The following SDHD variants were observed in gnomAD, a reference collection of about 807,000 sequenced individuals.
SDHD encodes the protein succinate dehydrogenase [ubiquinone] cytochrome b small subunit, mitochondrial.
In SDHD, 6 loss-of-function variants were observed where a neutral mutation model predicts 18.7. The observed-to-expected ratio is 0.32, with a 90% confidence interval of 0.18 to 0.63. The LOEUF is 0.63. SDHD is among the 30% of genes least tolerant of loss of function. The pLI, the probability that SDHD is intolerant of heterozygous loss-of-function variation, is 0.79. For missense variants in SDHD, 160 were observed against 192.7 expected (o/e 0.83, Z 1.00); for synonymous variants, 56 against 73.9 (o/e 0.76, Z 1.24).
chr11:112,094,135 C>T lies in SDHD; in HGVS notation c.315-670C>T, dbSNP rs1228294696. On this transcript the variant is annotated intron_variant, in intron 3 of 3. Transcript: ENST00000375549. ...AAAAAACAGGCCAGGCGCAGTAGCT[C>T]ACGCCTGTAGTCCCAACACTTTGGG... Among the ~76,000 whole-genome samples the T allele has an allele frequency of 3.3e-5, 5 of 152,140 alleles. No individual in the cohort carries two copies. The South Asian group carries it at 8.3e-4, about 25-fold the overall frequency.
At chr11:112,088,741 C>T in intron 2 of SDHD, 126 bp from the exon 3 acceptor site, 1 of 1,043,564 alleles carries the variant, frequency 9.6e-7, no homozygotes, top group South Asian at 1.3e-5. Flanking sequence ...ATTTTACTTC[C>T]TTTGTACTCA....
chr11:112,094,940 C>T lies in SDHD; in HGVS notation c.450C>T (p.Cys150=), dbSNP rs201337439. The change falls in exon 4 of 4, where the codon TGC becomes TGT. Residue 150 remains cysteine (C), a synonymous_variant. Transcript: ENST00000375549. ...CYFNYHDVGI[C]KAVAMLWKL ...TCAACTATCACGATGTGGGCATCTG[C>T]AAAGCTGTTGCCATGCTGTGGAAGC... is the stretch of plus-strand genomic sequence containing the variant. 3 of 1,611,460 alleles carry T rather than the reference C, an allele frequency of 1.9e-6. No individual in the cohort carries two copies. The East Asian group carries it at 6.7e-5, about 36-fold the overall frequency.
In SDHD at chr11:112,094,890, T is replaced by G. The variant is rs200851392; in HGVS notation, c.400T>G (p.Leu134Val). ...AKAGLLALSA[L>V]TFAGLCYFNY... ...GGCAGGGCTTTTGGCACTTTCAGCT[T>G]TAACCTTTGCTGGGCTTTGCTATTT... is the stretch of plus-strand genomic sequence containing the variant. Residue 134 changes from leucine (L) to valine (V), a missense_variant, in exon 4 of 4, where the codon TTA becomes GTA. By Grantham distance (32) the Leu-to-Val change is conservative. Transcript: ENST00000375549. 10 of 1,611,890 alleles carry G rather than the reference T, an allele frequency of 6.2e-6. No homozygotes were observed. Among genetic ancestry groups the G allele is most frequent in the Middle Eastern group, 2.3e-4 (1 of 4,430 alleles).
intron 3 of SDHD, chr11:112,091,051 T>C (rs1426973534): frequency 1.1e-6 from 1 of 941,142 alleles, no homozygotes; most frequent in Non-Finnish European, 1.3e-6. Context: ...TGAGTTGTTG[T>C]TGTTGATGTT....
chr11:112,087,684 T>C (rs1226238681), intron 1 of SDHD, among the ~76,000 whole-genome samples, 173 bp from the exon 2 acceptor site: 1 of 152,208 alleles, frequency 6.6e-6, no homozygotes, highest in Non-Finnish European at 1.5e-5. Flanking sequence ...CATGCAGATG[T>C]TCCCTGGTCT....
intron 3 of SDHD, 38 bp from the exon 4 acceptor site, chr11:112,094,767 G>A: frequency 6.3e-7 from 1 of 1,588,838 alleles, no homozygotes; most frequent in Non-Finnish European, 8.6e-7. Flanking sequence ...TTTCACTGTG[G>A]TTTTTTATTG....
At position 112,089,026 on chromosome 11, in the gene SDHD, T is replaced by A; in HGVS notation, c.314+15T>A. 6.2e-7 allele frequency: 1 copy of A among 1,614,044 alleles called. No individual in the cohort carries two copies. Among genetic ancestry groups the A allele is most frequent in the Admixed American group, 1.7e-5 (1 of 60,034 alleles). ...CATGGTCACTGGCAAGTATAGCAATTCCAAATATAGTTGTCTGCTCAGTTT... is the reference window on the plus strand; with the variant it reads ...CATGGTCACTGGCAAGTATAGCAATACCAAATATAGTTGTCTGCTCAGTTT... On this transcript the variant is annotated intron_variant, in intron 3 of 3. Transcript: ENST00000375549.
At chr11:112,093,051 T>TTTTTTATA in intron 3 of SDHD, 1 of 174,932 alleles carries the variant, frequency 5.7e-6, no homozygotes, top group South Asian at 7.9e-5. Context: ...TTTTTTTTTT[T>TTTTTTATA]GAGACAGAGT....
intron 3 of SDHD, among the ~76,000 whole-genome samples, chr11:112,093,688 A>G (rs920293984): frequency 6.6e-6 from 1 of 152,188 alleles, no homozygotes; most frequent in African/African-American, 2.4e-5. Flanking sequence ...TATAAAATTC[A>G]GATTCCTTAT....
chr11:112,088,707 G>A (rs139160150), intron 2 of SDHD, among the ~76,000 whole-genome samples, 160 bp from the exon 3 acceptor site: 5 of 152,308 alleles, frequency 3.3e-5, no homozygotes, highest in African/African-American at 1.2e-4. Flanking sequence ...AACAGAGATA[G>A]CTTCTCTCAA....
intron 3 of SDHD, among the ~76,000 whole-genome samples, chr11:112,091,804 C>CA (rs1865750432): frequency 6.6e-6 from 1 of 152,226 alleles, no homozygotes; most frequent in African/African-American, 2.4e-5. Flanking sequence ...GGCGTGGTCT[C>CA]ACGCCTGTAA....
chr11:112,087,971 A>G lies in SDHD; in HGVS notation c.167A>G (p.His56Arg), dbSNP rs1555186817. ...CACATACACTTGTCACCGAGCCACC[A>G]TTGTATGTTCTCTCCATCGCTGCTG... is the stretch of plus-strand genomic sequence containing the variant. Reference protein sequence around the residue: ...VQHIHLSPSHHSGSKAASLHW... With the variant: ...VQHIHLSPSHRSGSKAASLHW... The change falls in exon 2 of 4, where the codon CAT becomes CGT. Residue 56 changes from histidine to arginine, a missense_variant and splice_region_variant. Coordinates refer to ENST00000375549, the MANE Select transcript of SDHD (RefSeq NM_003002.4). 6.3e-7 allele frequency: 1 copy of G among 1,595,432 alleles called. No homozygotes were observed.
rs540110996 is a variant in SDHD at position 112,095,368 on chromosome 11, C to A, written c.*398C>A. The A allele has an allele frequency of 3.3e-6, 1 of 306,164 alleles. No homozygotes were observed. The highest frequency in any genetic ancestry group is 6.1e-5 in the South Asian group (1 of 16,524). The allele number at this position is 306,164 out of a possible 1,614,324, so 19.0% of individuals were successfully genotyped here. On this transcript the variant is annotated 3_prime_UTR_variant, in exon 4 of 4. Transcript: ENST00000375549. The stretch of plus-strand genomic sequence containing the variant: ...TGGACAAAGGGAAATACTCTTAATT[C>A]ATGAATAAAAACTTTGCAGAAAATT...
At chr11:112,094,675 C>T in intron 3 of SDHD, 130 bp from the exon 4 acceptor site, 1 of 763,336 alleles carries the variant, frequency 1.3e-6, no homozygotes, top group Non-Finnish European at 2.2e-6. Flanking sequence ...CAAACAGTGA[C>T]AGTGGAGTGG....
rs183918321 is a variant in SDHD, at chr11:112,095,156, A to G, written c.*186A>G. 4.3e-3 allele frequency: 2,750 copies of G among 633,872 alleles called. 15 individuals carry two copies. Among genetic ancestry groups the G allele is most frequent in the Middle Eastern group, 9.0e-3 (21 of 2,346 alleles). The allele number at this position is 633,872 out of a possible 1,614,324, so 39.3% of individuals were successfully genotyped here. ...AAAAGGTTTGAGAGGAATTATATCT[A>G]AGTTGTGAGACTGAGTTCTATATTC... On this transcript the variant is annotated 3_prime_UTR_variant, in exon 4 of 4. Coordinates refer to ENST00000375549, the MANE Select transcript of SDHD (RefSeq NM_003002.4).
intron 3 of SDHD, among the ~76,000 whole-genome samples, chr11:112,090,172 A>G (rs1201683738): frequency 6.6e-6 from 1 of 152,114 alleles, no homozygotes; most frequent in African/African-American, 2.4e-5. Flanking sequence ...CAATGGTGTG[A>G]TCTCAGCTCA....
At chr11:112,091,666 A>G (rs1194948204) in intron 3 of SDHD, among the ~76,000 whole-genome samples, 1 of 151,904 alleles carries the variant, frequency 6.6e-6, no homozygotes, top group Non-Finnish European at 1.5e-5. Context: ...TTTCTCCTTT[A>G]AAACCCCCTT....
rs1233979683 is a variant in SDHD at position 112,095,494 on chromosome 11, T to G, written c.*524T>G. On this transcript the variant is annotated 3_prime_UTR_variant, in exon 4 of 4. Transcript: ENST00000375549. ...AAATTTTAAAATTAGGAAATGCTGATAGCTCATATTATAAATTTCTAAATC... is the reference window on the plus strand; with the variant it reads ...AAATTTTAAAATTAGGAAATGCTGAGAGCTCATATTATAAATTTCTAAATC... 4.2e-6 allele frequency: 1 copy of G among 236,150 alleles called. No individual in the cohort carries two copies. The highest frequency in any genetic ancestry group is 5.3e-5 in the Admixed American group (1 of 18,720). 14.6% of individuals were successfully genotyped at this position (236,150 alleles called of 1,614,324 possible). A position where few individuals can be genotyped will look rare whatever the true frequency, so the allele number is the denominator to read the frequency against.
chr11:112,087,200 A>G (rs1252039556), intron 1 of SDHD, among the ~76,000 whole-genome samples: 1 of 152,178 alleles, frequency 6.6e-6, no homozygotes, highest in African/African-American at 2.4e-5. Flanking sequence ...CGCAGTCCTG[A>G]TGAGGCTAAT....
Sources: allele counts gnomAD v4.1 joint callset (sites outside exome capture counted in the v4.1 genomes callset), GRCh38; gene constraint gnomAD v4.1.1; transcripts MANE v1.5; gene names NCBI Gene and HGNC (gene_info 2026-07-23, HGNC 2026-07-21).